The following LRRTM4 variants were observed in gnomAD, a reference collection of about 807,000 sequenced individuals.
LRRTM4 encodes the protein leucine rich repeat transmembrane neuronal 4, also known as leucine-rich repeat transmembrane neuronal protein 4.
A neutral mutation model predicts 47.6 loss-of-function variants in LRRTM4; 25 were observed. The observed-to-expected ratio is 0.53, with a 90% CI of 0.38 to 0.73. LRRTM4 has a LOEUF of 0.73. LRRTM4 is among the 30% of genes least tolerant of loss of function. The probability of loss-of-function intolerance (pLI) is 0.00; values close to 1 mark genes in which losing one functional copy is unlikely to be tolerated. For synonymous variants in LRRTM4, 311 were observed against 269.5 expected, an observed-to-expected ratio of 1.15 and a Z score of -1.51; for missense variants, 638 against 713.4, an observed-to-expected ratio of 0.89 and a Z score of 1.20.
chr2:77,445,469 ATCTTT>A (rs1558746944), intron 3 of LRRTM4, among the ~76,000 whole-genome samples: 4 of 151,876 alleles, frequency 2.6e-5, no homozygotes. Flanking sequence ...TTGCTCGCCT[ATCTTT>A]TCTTATGATT....
intron 3 of LRRTM4, among the ~76,000 whole-genome samples, chr2:77,272,091 A>G (rs995313275): frequency 6.6e-6 from 1 of 151,936 alleles, no homozygotes; most frequent in African/African-American, 2.4e-5. Flanking sequence ...AACCTTACCC[A>G]TCCATCTCTC....
chr2:76,938,383 GAATAT>G (rs148068226), intron 3 of LRRTM4, among the ~76,000 whole-genome samples: 16,628 of 152,044 alleles, frequency 0.11, 1,328 homozygotes, highest in East Asian at 0.46. Flanking sequence ...GAAGACAAAA[GAATAT>G]AAATTGTTAA....
intron 3 of LRRTM4, among the ~76,000 whole-genome samples, chr2:77,129,235 G>C (rs968684536): frequency 6.6e-6 from 1 of 151,992 alleles, no homozygotes; most frequent in Admixed American, 6.6e-5. Context: ...TTTTTTCTTT[G>C]GTGTAAGGCA....
At chr2:76,989,635 A>G (rs147704322) in intron 3 of LRRTM4, among the ~76,000 whole-genome samples, 1 of 151,706 alleles carries the variant, frequency 6.6e-6, no homozygotes. Context: ...TAATCTCCCT[A>G]ATCTCAGTAT....
chr2:77,501,910 C>A (rs192685145), intron 3 of LRRTM4, among the ~76,000 whole-genome samples: 5 of 151,346 alleles, frequency 3.3e-5, no homozygotes, highest in Non-Finnish European at 3.0e-5. Context: ...AATAAAATAT[C>A]ATTTGATCTC....
intron 3 of LRRTM4, among the ~76,000 whole-genome samples, chr2:76,906,413 C>G (rs1037084307): frequency 2.6e-5 from 4 of 151,980 alleles, no homozygotes; most frequent in African/African-American, 4.8e-5. Flanking sequence ...TAAAGACCAT[C>G]GAGACTAGGA....
intron 3 of LRRTM4, among the ~76,000 whole-genome samples, chr2:77,474,539 C>A (rs1048281035): frequency 1.3e-5 from 2 of 151,756 alleles, no homozygotes; most frequent in Non-Finnish European, 2.9e-5. Flanking sequence ...AGATTAAAGA[C>A]CAAAACTTGT....
chr2:76,933,204 AAAAT>A (rs1427439100), intron 3 of LRRTM4, among the ~76,000 whole-genome samples: 2 of 152,170 alleles, frequency 1.3e-5, no homozygotes, highest in African/African-American at 4.8e-5. Flanking sequence ...TTCATGTCAA[AAAAT>A]AAATGAGTAA....
intron 3 of LRRTM4, among the ~76,000 whole-genome samples, chr2:76,755,593 T>C (rs757777557): frequency 5.3e-5 from 8 of 152,044 alleles, no homozygotes; most frequent in South Asian, 2.1e-4. Context: ...TGGAGAAAAA[T>C]TATTTGCAAA....
chr2:77,461,653 C>T (rs545174485), intron 3 of LRRTM4, among the ~76,000 whole-genome samples: 1 of 152,122 alleles, frequency 6.6e-6, no homozygotes, highest in East Asian at 1.9e-4. Flanking sequence ...AGCAATTACA[C>T]GCATGCTCCT....
At chr2:76,960,555 T>C (rs1343318128) in intron 3 of LRRTM4, among the ~76,000 whole-genome samples, 1 of 147,376 alleles carries the variant, frequency 6.8e-6, no homozygotes, top group African/African-American at 2.4e-5. Flanking sequence ...GCATGTGGTA[T>C]CTTCAACTCA....
At chr2:77,351,520 A>T (rs779884989) in intron 3 of LRRTM4, among the ~76,000 whole-genome samples, 2 of 151,564 alleles carry the variant, frequency 1.3e-5, no homozygotes, top group Non-Finnish European at 2.9e-5. Context: ...ACTACGCAGA[A>T]ATAAACCAAA....
intron 3 of LRRTM4, among the ~76,000 whole-genome samples, chr2:77,508,017 C>A (rs923667043): frequency 6.6e-6 from 1 of 151,970 alleles, no homozygotes; most frequent in Non-Finnish European, 1.5e-5. Flanking sequence ...AGTTCTAGCT[C>A]AAGTGAACAG....
chr2:77,108,610 G>A (rs1372681912), intron 3 of LRRTM4, among the ~76,000 whole-genome samples: 1 of 142,138 alleles, frequency 7.0e-6, no homozygotes, highest in Non-Finnish European at 1.5e-5. Context: ...TTGAGACGGA[G>A]TCTCGCTCTG....
intron 3 of LRRTM4, among the ~76,000 whole-genome samples, chr2:76,905,794 G>C (rs1673812484): frequency 6.6e-6 from 1 of 151,684 alleles, no homozygotes; most frequent in Non-Finnish European, 1.5e-5. Context: ...CAAGTTTAGA[G>C]AAAAAAGAAA....
intron 3 of LRRTM4, among the ~76,000 whole-genome samples, chr2:77,396,074 G>C (rs896850627): frequency 6.6e-6 from 1 of 151,712 alleles, no homozygotes; most frequent in African/African-American, 2.4e-5. Flanking sequence ...ATCTTGTTCT[G>C]AATCACTTAG....
At chr2:77,027,995 C>A (rs1180799570) in intron 3 of LRRTM4, among the ~76,000 whole-genome samples, 1 of 151,118 alleles carries the variant, frequency 6.6e-6, no homozygotes, top group African/African-American at 2.4e-5. Flanking sequence ...AAAAAAACTA[C>A]AAACTTGCAA....
Position 76,822,957 on chromosome 2 carries a change from C to T in LRRTM4, c.1552-74041G>A, listed in dbSNP as rs187669108. ...TTATGAAGCAATAAAAAACAATGCG[C>T]ACAAAACCTTTCTAAAATGTTGAAA... On this transcript the variant is annotated intron_variant, in intron 3 of 3. Coordinates refer to ENST00000409884, the MANE Select transcript of LRRTM4 (RefSeq NM_001134745.3). 1.0e-3 allele frequency among the ~76,000 whole-genome samples: 158 copies of T among 151,302 alleles called. 1 individual carries two copies. The highest frequency in any genetic ancestry group is 3.6e-3 in the Admixed American group (54 of 15,110).
intron 3 of LRRTM4, among the ~76,000 whole-genome samples, chr2:77,454,696 A>G (rs1676455352): frequency 3.3e-5 from 5 of 152,128 alleles, no homozygotes; most frequent in African/African-American, 7.2e-5. Flanking sequence ...TTTTGGTTCT[A>G]TATCTTGCTA....
Sources: allele counts gnomAD v4.1 joint callset (sites outside exome capture counted in the v4.1 genomes callset), GRCh38; gene constraint gnomAD v4.1.1; transcripts MANE v1.5; gene names NCBI Gene and HGNC (gene_info 2026-07-23, HGNC 2026-07-21).